The following MAX variants were observed in gnomAD, a reference collection of about 807,000 sequenced individuals.
MAX encodes the protein protein max.
MAX carries 3 observed loss-of-function variants against 22.3 expected under a neutral mutation model. The observed-to-expected ratio is 0.13, with a 90% confidence interval of 0.06 to 0.35. The LOEUF (loss-of-function observed/expected upper bound fraction) is 0.35. Ranked by LOEUF, MAX falls within the 10% of genes least tolerant of loss-of-function variation. MAX has a pLI of 1.00. For synonymous variants in MAX, 72 were observed against 77.7 expected (o/e 0.93, Z 0.39); for missense variants, 119 against 209.4 (o/e 0.57, Z 2.66).
intron 3 of MAX, among the ~76,000 whole-genome samples, chr14:65,063,826 A>G (rs745642140): frequency 1.8e-4 from 28 of 152,110 alleles, no homozygotes; most frequent in Admixed American, 6.5e-4. Flanking sequence ...CAGCCTCCCA[A>G]AGTGCTGAGA....
chr14:65,093,817 TAGA>T lies in MAX; in HGVS notation c.64-5_64-3del. The T allele has an allele frequency of 2.0e-6, 3 of 1,529,498 alleles. No homozygotes were observed. Among genetic ancestry groups the T allele is most frequent in the East Asian group, 2.2e-5 (1 of 44,488 alleles). 94.7% of individuals were successfully genotyped at this position (1,529,498 alleles called of 1,614,324 possible). ...ATTATGATGAGCCCGTTTGTCAGCC[TAGA>T]AGAATGGGAGAAAGAACACATTAGG... On this transcript the variant is annotated splice_polypyrimidine_tract_variant and splice_region_variant and intron_variant, in intron 2 of 4. Transcript: ENST00000358664. The surrounding 1 kb of genome is among the most constrained non-coding windows in gnomAD (Gnocchi z 4.4).
rs924790916 is a variant in MAX at position 65,009,357 on chromosome 14, C to T, written c.172-3073G>A. Among the ~76,000 whole-genome samples, 9 of 152,174 alleles carry T rather than the reference C, an allele frequency of 5.9e-5. No individual in the cohort carries two copies. Among genetic ancestry groups the T allele is most frequent in the African/African-American group, 1.9e-4 (8 of 41,432 alleles). ...CTTAATTTCACTGGCGCTTCACTAA[C>T]TGCCTTATAATCCTTTTATTCGTCT... On this transcript the variant is annotated intron_variant, in intron 3 of 3. Coordinates refer to the MAX transcript ENST00000341653. This position sits in a 1 kb window ranked among gnomAD's most constrained non-coding sequence, Gnocchi z 4.2.
chr14:65,054,534 G>T lies in MAX; in HGVS notation c.171+39174C>A. On this transcript the variant is annotated intron_variant, in intron 3 of 3. Coordinates refer to the MAX transcript ENST00000341653. This position sits in a 1 kb window ranked among gnomAD's most constrained non-coding sequence, Gnocchi z 4.4. ...TGTGGCTACATTTGTAGATGTGTGC[G>T]GAGCAGAGGAGCGCCTGCTCAGAGC... The T allele has an allele frequency of 6.4e-7, 1 of 1,573,602 alleles. No homozygotes were observed.
At position 65,089,756 on chromosome 14, in the gene MAX, TAAAAAAAAAAAAAAAAAAAAAAAAAAA is replaced by T. The variant is rs55883101; in HGVS notation, c.171+3925_171+3951del. On this transcript the variant is annotated intron_variant, in intron 3 of 4. Coordinates refer to ENST00000358664, the MANE Select transcript of MAX (RefSeq NM_002382.5). ...ACTTTCTATAAAAGTAGCATCTCTG[TAAAAAAAAAAAAAAAAAAAAAAAAAAA>T]AAAAAAAAAAAAAAAAAAAAGCGGG... Among the ~76,000 whole-genome samples the T allele has an allele frequency of 1.4e-3, 49 of 36,136 alleles. 1 individual carries two copies. In the South Asian group the frequency reaches 0.021, roughly 16 times the overall value. The allele number at this position is 36,136 out of a possible 152,430, so 23.7% of individuals were successfully genotyped here.
Position 65,084,631 on chromosome 14 carries a change from AT to A in MAX, c.172-6596del, listed in dbSNP as rs2063279589. On this transcript the variant is annotated intron_variant, in intron 3 of 4. Coordinates refer to ENST00000358664, the MANE Select transcript of MAX (RefSeq NM_002382.5). This position sits in a 1 kb window ranked among gnomAD's most constrained non-coding sequence, Gnocchi z 4.3. The stretch of plus-strand genomic sequence containing the variant: ...TGGCTACATATACAGAGATGTCCAT[AT>A]TATAATTATAAATTTTAAATTTTAA... Among the ~76,000 whole-genome samples, 1 of 152,168 alleles carries A rather than the reference AT, an allele frequency of 6.6e-6. No homozygotes were observed. The highest frequency in any genetic ancestry group is 1.5e-5 in the Non-Finnish European group (1 of 68,040).
At position 65,029,377 on chromosome 14, in the gene MAX, A is replaced by G. The variant is rs1641423210; in HGVS notation, c.172-23093T>C. Among the ~76,000 whole-genome samples, 1 of 152,134 alleles carries G rather than the reference A, an allele frequency of 6.6e-6. No individual in the cohort carries two copies. The highest frequency in any genetic ancestry group is 6.5e-5 in the Admixed American group (1 of 15,274). On this transcript the variant is annotated intron_variant, in intron 3 of 3. Coordinates refer to the MAX transcript ENST00000341653. This position sits in a 1 kb window ranked among gnomAD's most constrained non-coding sequence, Gnocchi z 4.7. ...CTTGGAGAAAAGCAGCAGTGATGGGAGAGTTTGACATCTGGAGACTAGCTC... is the reference window on the plus strand; with the variant it reads ...CTTGGAGAAAAGCAGCAGTGATGGGGGAGTTTGACATCTGGAGACTAGCTC...
chr14:65,028,907 A>G lies in MAX; in HGVS notation c.172-22623T>C, dbSNP rs191255762. On this transcript the variant is annotated intron_variant, in intron 3 of 3. Transcript: ENST00000341653. This position sits in a 1 kb window ranked among gnomAD's most constrained non-coding sequence, Gnocchi z 4.4. ...CTTGAAACGCAGCTTTTAAAAACCT[A>G]CTAAGATTATTAGGCAAAAGCAAAC... Among the ~76,000 whole-genome samples the G allele has an allele frequency of 7.3e-3, 1,115 of 152,288 alleles. 7 individuals carry two copies. Among genetic ancestry groups the G allele is most frequent in the Non-Finnish European group, 0.012 (812 of 68,018 alleles).
chr14:65,014,971 G>A lies in MAX; in HGVS notation c.172-8687C>T, dbSNP rs1184568385. Among the ~76,000 whole-genome samples, 1 of 152,024 alleles carries A rather than the reference G, an allele frequency of 6.6e-6. No individual in the cohort carries two copies. Among genetic ancestry groups the A allele is most frequent in the African/African-American group, 2.4e-5 (1 of 41,422 alleles). ...ATGTATATCTCCTTGGTTCTATACC[G>A]AGAAAATAGCAGCCCCTAACCTCCT... On this transcript the variant is annotated intron_variant, in intron 3 of 3. Coordinates refer to the MAX transcript ENST00000341653. The surrounding 1 kb of genome is among the most constrained non-coding windows in gnomAD (Gnocchi z 5.1).
At chr14:65,086,566 T>A (rs2063338024) in intron 3 of MAX, among the ~76,000 whole-genome samples, 1 of 152,312 alleles carries the variant, frequency 6.6e-6, no homozygotes, top group East Asian at 1.9e-4. Context: ...ATTTTGCCCC[T>A]ACGCTAGAGA....
At chr14:65,017,692 C>A (rs1004518472) in intron 3 of MAX, among the ~76,000 whole-genome samples, 19 of 152,256 alleles carry the variant, frequency 1.2e-4, no homozygotes, top group African/African-American at 4.1e-4. Flanking sequence ...TGGTGGCTCA[C>A]GCCTGTAATC....
chr14:65,068,957 G>A (rs1019615862), intron 3 of MAX, among the ~76,000 whole-genome samples: 2 of 152,188 alleles, frequency 1.3e-5, no homozygotes, highest in African/African-American at 4.8e-5. Flanking sequence ...CCAGACCAGG[G>A]CAGGGTTCAA....
chr14:65,068,671 CTGTT>C (rs1168312237), intron 3 of MAX, among the ~76,000 whole-genome samples: 1 of 152,078 alleles, frequency 6.6e-6, no homozygotes, highest in Non-Finnish European at 1.5e-5. Context: ...GCTCCTTTGT[CTGTT>C]TAACAGACCC....
Position 65,088,473 on chromosome 14 carries a change from T to C in MAX, c.171+5235A>G, listed in dbSNP as rs894523922. Among the ~76,000 whole-genome samples, 3 of 152,246 alleles carry C rather than the reference T, an allele frequency of 2.0e-5. No individual in the cohort carries two copies. The highest frequency in any genetic ancestry group is 2.1e-4 in the South Asian group (1 of 4,828). ...CCCAAGTTGGAGTCTGACTAGCTAA[T>C]ATAACCTTAATGAGTAATGAGGAGA... On this transcript the variant is annotated intron_variant, in intron 3 of 4. Transcript: ENST00000358664. The surrounding 1 kb of genome is among the most constrained non-coding windows in gnomAD (Gnocchi z 5.2).
chr14:65,052,641 C>T (rs1457565895), intron 3 of MAX, among the ~76,000 whole-genome samples: 2 of 152,086 alleles, frequency 1.3e-5, no homozygotes, highest in Non-Finnish European at 2.9e-5. Context: ...TACCAGAATA[C>T]CCAGTTTTTG....
chr14:65,037,063 T>G (rs560841075), intron 3 of MAX, among the ~76,000 whole-genome samples: 43 of 152,252 alleles, frequency 2.8e-4, no homozygotes, highest in African/African-American at 9.1e-4. Context: ...ATTACAGTAT[T>G]TCTTTGATAA....
chr14:65,084,257 G>T lies in MAX; in HGVS notation c.172-6221C>A. 1 of 1,613,386 alleles carries T rather than the reference G, an allele frequency of 6.2e-7. No individual in the cohort carries two copies. The highest frequency in any genetic ancestry group is 1.3e-5 in the African/African-American group (1 of 74,992). ...TGGCATTTCTGCATCAAACTTTGAC[G>T]ATGAAGGACAGGAGTACACAATTTC... On this transcript the variant is annotated intron_variant, in intron 3 of 4. Coordinates refer to ENST00000358664, the MANE Select transcript of MAX (RefSeq NM_002382.5). This position sits in a 1 kb window ranked among gnomAD's most constrained non-coding sequence, Gnocchi z 4.3.
chr14:65,073,799 C>T (rs1000182871), downstream of MAX, among the ~76,000 whole-genome samples: 5 of 152,196 alleles, frequency 3.3e-5, no homozygotes, highest in African/African-American at 4.8e-5. Flanking sequence ...TGTTCCTGCC[C>T]AGGAAGCTGC....
downstream of MAX, among the ~76,000 whole-genome samples, chr14:65,073,346 C>T (rs2063009171): frequency 6.6e-6 from 1 of 152,116 alleles, no homozygotes; most frequent in South Asian, 2.1e-4. Flanking sequence ...TCTACTCAGT[C>T]TTGTTTTTTA....
Position 65,054,662 on chromosome 14 carries a change from G to C in MAX, c.171+39046C>G. On this transcript the variant is annotated intron_variant, in intron 3 of 3. Coordinates refer to the MAX transcript ENST00000341653. This position sits in a 1 kb window ranked among gnomAD's most constrained non-coding sequence, Gnocchi z 4.4. ...GCAGCGGAGCCATGTTGCATGATGTGGTCCTGGGTGTGCCCGAAAACGCTC... is the reference window on the plus strand; with the variant it reads ...GCAGCGGAGCCATGTTGCATGATGTCGTCCTGGGTGTGCCCGAAAACGCTC... 6.2e-7 allele frequency: 1 copy of C among 1,612,864 alleles called. No individual in the cohort carries two copies. The highest frequency in any genetic ancestry group is 1.1e-5 in the South Asian group (1 of 90,680).
Sources: gnomAD v4.1 joint callset for allele counts (sites outside exome capture counted in the v4.1 genomes callset) on GRCh38, gnomAD v4.1.1 for gene constraint, Gnocchi (gnomAD v3.1) non-coding constraint, MANE v1.5 for transcripts, NCBI Gene and HGNC (gene_info 2026-07-23, HGNC 2026-07-21) for gene names.